Variants in SEMA6D observed in about 807,000 individuals in gnomAD.
SEMA6D encodes the protein semaphorin 6D, also known as semaphorin-6D.
In SEMA6D, 35 loss-of-function variants were observed where a neutral mutation model predicts 106.6. That is an observed-to-expected ratio of 0.33 (90% CI 0.25 to 0.44). The LOEUF (loss-of-function observed/expected upper bound fraction) is 0.44. SEMA6D is among the 20% of genes least tolerant of loss of function. The pLI, the probability that SEMA6D is intolerant of heterozygous loss-of-function variation, is 1.00. For synonymous variants in SEMA6D, 499 were observed against 487.7 expected, an observed-to-expected ratio of 1.02 and a Z score of -0.31; for missense variants, 1,185 against 1,345.9, an observed-to-expected ratio of 0.88 and a Z score of 1.87.
At chr15:47,599,194 C>T (rs2143323600) in intron 3 of SEMA6D, among the ~76,000 whole-genome samples, 1 of 152,220 alleles carries the variant, frequency 6.6e-6, no homozygotes, top group Non-Finnish European at 1.5e-5. Context: ...AGATGTAAAT[C>T]ACTGTGCTGG....
intron 1 of SEMA6D, among the ~76,000 whole-genome samples, chr15:47,388,128 T>C (rs2039902840): frequency 1.3e-5 from 2 of 152,126 alleles, no homozygotes; most frequent in Non-Finnish European, 2.9e-5. Context: ...CCATAGAATA[T>C]GCACAACCTT....
intron 1 of SEMA6D, among the ~76,000 whole-genome samples, chr15:47,367,015 T>C (rs1285726985): frequency 6.6e-6 from 1 of 152,232 alleles, no homozygotes; most frequent in Non-Finnish European, 1.5e-5. Context: ...AGAATGGGCA[T>C]GCATGACTCA....
chr15:47,445,757 C>CAG (rs5812395), intron 2 of SEMA6D, among the ~76,000 whole-genome samples: 120,358 of 151,766 alleles, frequency 0.79, 48,765 homozygotes, highest in East Asian at 0.97. Flanking sequence ...ACTTAAAAAA[C>CAG]ATGGTATTTT....
At chr15:47,553,620 T>G (rs1292369864) in intron 3 of SEMA6D, among the ~76,000 whole-genome samples, 2 of 152,080 alleles carry the variant, frequency 1.3e-5, no homozygotes, top group Non-Finnish European at 2.9e-5. Context: ...TGATTGGAAA[T>G]GAAGTTGAGG....
At chr15:47,312,454 T>C (rs999043173) in intron 1 of SEMA6D, among the ~76,000 whole-genome samples, 2 of 152,192 alleles carry the variant, frequency 1.3e-5, no homozygotes, top group Non-Finnish European at 1.5e-5. Flanking sequence ...CCATGATCTG[T>C]CAAAATGATA....
chr15:47,637,268 A>T (rs73392809), intron 4 of SEMA6D, among the ~76,000 whole-genome samples: 1 of 152,134 alleles, frequency 6.6e-6, no homozygotes, highest in Admixed American at 6.5e-5. Flanking sequence ...TTTCCACCCC[A>T]AACAGTGCTT....
intron 4 of SEMA6D, among the ~76,000 whole-genome samples, chr15:47,688,946 G>A (rs1181227748): frequency 6.6e-6 from 1 of 152,188 alleles, no homozygotes; most frequent in Admixed American, 6.5e-5. Context: ...GGGCCATCGT[G>A]CAAGTTGGCA....
At chr15:47,748,727 G>A (rs2081272812) in intron 1 of SEMA6D, among the ~76,000 whole-genome samples, 1 of 152,196 alleles carries the variant, frequency 6.6e-6, no homozygotes, top group Admixed American at 6.5e-5. Flanking sequence ...GAATAAAATT[G>A]TGAAGGATCT....
At chr15:47,574,864 C>T (rs1027977791) in intron 3 of SEMA6D, among the ~76,000 whole-genome samples, 20 of 152,116 alleles carry the variant, frequency 1.3e-4, no homozygotes, top group African/African-American at 4.6e-4. Context: ...ATCAATACTC[C>T]TAAAGTAGTT....
At chr15:47,449,477 G>A (rs557878994) in intron 2 of SEMA6D, among the ~76,000 whole-genome samples, 50 of 152,170 alleles carry the variant, frequency 3.3e-4, no homozygotes, top group African/African-American at 1.2e-3. Context: ...TTTCTCCATT[G>A]TAGAGTTGTG....
rs148558951 is a variant in SEMA6D, at chr15:47,188,878, G to C, written c.-239+4460G>C. ...CTAAAGATACTTGTATTCTGGCTGG[G>C]TGGAGAAGCCATAAACTCCTAAGGA... On this transcript the variant is annotated intron_variant, in intron 1 of 19. Transcript: ENST00000558014. 9.9e-5 allele frequency among the ~76,000 whole-genome samples: 15 copies of C among 152,256 alleles called. No homozygotes were observed. In the East Asian group the frequency reaches 2.9e-3, roughly 29 times the overall value.
intron 1 of SEMA6D, among the ~76,000 whole-genome samples, chr15:47,278,573 A>C (rs906600921): frequency 8.5e-5 from 13 of 152,138 alleles, no homozygotes; most frequent in East Asian, 5.8e-4. Flanking sequence ...TGCCTGTTCA[A>C]TCTGATGGTA....
chr15:47,424,130 A>C (rs754709946), intron 2 of SEMA6D, among the ~76,000 whole-genome samples: 1 of 152,126 alleles, frequency 6.6e-6, no homozygotes, highest in Non-Finnish European at 1.5e-5. Context: ...GAATTAATAA[A>C]TTGTCATGCT....
At chr15:47,344,562 CTG>C (rs1407874793) in intron 1 of SEMA6D, among the ~76,000 whole-genome samples, 1 of 152,080 alleles carries the variant, frequency 6.6e-6, no homozygotes, top group Non-Finnish European at 1.5e-5. Flanking sequence ...GGATATGAAA[CTG>C]AGAGTCTGAG....
chr15:47,584,456 G>A (rs1292859384), intron 3 of SEMA6D, among the ~76,000 whole-genome samples: 2 of 151,812 alleles, frequency 1.3e-5, no homozygotes, highest in Non-Finnish European at 2.9e-5. Flanking sequence ...GTGAATGAAT[G>A]CAAATTGAAT....
At chr15:47,577,151 A>G (rs1451872179) in intron 3 of SEMA6D, among the ~76,000 whole-genome samples, 1 of 152,246 alleles carries the variant, frequency 6.6e-6, no homozygotes, top group Non-Finnish European at 1.5e-5. Context: ...CTGTTTCACA[A>G]TCTTCATAGC....
intron 1 of SEMA6D, among the ~76,000 whole-genome samples, chr15:47,319,329 G>A (rs2036830348): frequency 6.6e-6 from 1 of 152,118 alleles, no homozygotes; most frequent in Non-Finnish European, 1.5e-5. Flanking sequence ...GCCTCTTCAT[G>A]TTGTGTTTTT....
rs71118191 is a variant in SEMA6D at position 47,657,719 on chromosome 15, C to CTTTTTTTTTTTTTTTTTT, written c.-55+56846_-55+56863dup. Among the ~76,000 whole-genome samples the CTTTTTTTTTTTTTTTTTT allele has an allele frequency of 5.5e-5, 3 of 54,676 alleles. 1 individual carries two copies. The highest frequency in any genetic ancestry group is 2.6e-4 in the African/African-American group (3 of 11,746). 35.9% of individuals were successfully genotyped at this position (54,676 alleles called of 152,430 possible). A position where few individuals can be genotyped will look rare whatever the true frequency, so the allele number is the denominator to read the frequency against. Reference sequence around the variant, plus strand: ...CATTTAGTGACAGAGGGCTTCATTTCTTTTTTTTTTTTTTTTTTTTTTTTT... The same window carrying CTTTTTTTTTTTTTTTTTT: ...CATTTAGTGACAGAGGGCTTCATTTCTTTTTTTTTTTTTTTTTTTTTTTTTTTTTTTTTTTTTTTTTTT... On this transcript the variant is annotated intron_variant, in intron 4 of 19. Coordinates refer to the SEMA6D transcript ENST00000558014.
At chr15:47,487,275 T>G (rs1033947698) in intron 3 of SEMA6D, among the ~76,000 whole-genome samples, 12 of 152,258 alleles carry the variant, frequency 7.9e-5, no homozygotes, top group African/African-American at 2.6e-4. Context: ...AATGATCCCC[T>G]CAAGGAAACT....
Sources: allele counts gnomAD v4.1 joint callset (sites outside exome capture counted in the v4.1 genomes callset), GRCh38; gene constraint gnomAD v4.1.1; transcripts MANE v1.5; gene names NCBI Gene and HGNC (gene_info 2026-07-23, HGNC 2026-07-21).